The following TLL2 variants were observed in gnomAD, a reference collection of about 807,000 sequenced individuals.
TLL2 encodes tolloid-like protein 2.
Under a neutral mutation model 123.0 loss-of-function variants are expected in TLL2, and 106 were observed. The ratio of observed to expected loss-of-function variants is 0.86; its 90% CI spans 0.74 to 1.01. The LOEUF (loss-of-function observed/expected upper bound fraction) is 1.01, where lower values mean the gene tolerates loss of function less well. TLL2 is among the 50% of genes least tolerant of loss of function. TLL2 has a pLI of 0.00. For missense variants in TLL2, 1,332 were observed against 1,336.7 expected, an observed-to-expected ratio of 1.00 and a Z score of 0.06; for synonymous variants, 494 against 516.8, an observed-to-expected ratio of 0.96 and a Z score of 0.60.
intron 15 of TLL2, 128 bp downstream of exon 15, chr10:96,385,927 A>G: frequency 1.1e-6 from 1 of 919,620 alleles, no homozygotes; most frequent in Admixed American, 3.7e-5. Context: ...CTGCTAGCGC[A>G]GGTCCTAAGA....
chr10:96,415,541 G>A (rs1282062080), intron 7 of TLL2, among the ~76,000 whole-genome samples: 1 of 151,290 alleles, frequency 6.6e-6, no homozygotes, highest in Non-Finnish European at 1.5e-5. Flanking sequence ...CAGGGAGACT[G>A]GGTGTTTTAT....
chr10:96,377,855 A>G (rs897533901), intron 17 of TLL2, among the ~76,000 whole-genome samples: 6 of 152,224 alleles, frequency 3.9e-5, no homozygotes, highest in African/African-American at 7.2e-5. Context: ...AGCTCCTGAG[A>G]TGTTGCTCTG....
intron 1 of TLL2, among the ~76,000 whole-genome samples, chr10:96,487,115 T>C (rs377285243): frequency 5.6e-4 from 86 of 152,350 alleles, no homozygotes; most frequent in African/African-American, 2.0e-3. Flanking sequence ...TGAAGAGCTG[T>C]GTGACCTCGG....
rs145843827 is a variant in TLL2 at position 96,385,176 on chromosome 10, C to G, written c.2014-409G>C. Among the ~76,000 whole-genome samples, 1,077 of 152,138 alleles carry G rather than the reference C, an allele frequency of 7.1e-3. 16 individuals are homozygous for G. Among genetic ancestry groups the G allele is most frequent in the African/African-American group, 0.024 (978 of 41,518 alleles). On this transcript the variant is annotated intron_variant, in intron 15 of 20. Transcript: ENST00000357947. ...GGAGGAGGAAAATCCTGCAAACCAC[C>G]GACAGAATCTGACTCCATTTTCAGG... is the stretch of plus-strand genomic sequence containing the variant.
At chr10:96,465,055 A>G (rs1847115426) in intron 2 of TLL2, among the ~76,000 whole-genome samples, 1 of 152,210 alleles carries the variant, frequency 6.6e-6, no homozygotes, top group African/African-American at 2.4e-5. Context: ...CAAGGAACTC[A>G]GGAGATCAAA....
intron 7 of TLL2, among the ~76,000 whole-genome samples, chr10:96,418,111 T>C (rs550793297): frequency 1.3e-3 from 197 of 152,280 alleles, no homozygotes; most frequent in African/African-American, 4.5e-3. Context: ...GTTTGGCCCA[T>C]GGATTTCCAC....
chr10:96,415,063 A>G (rs1846540720), intron 7 of TLL2, among the ~76,000 whole-genome samples: 1 of 152,140 alleles, frequency 6.6e-6, no homozygotes, highest in Non-Finnish European at 1.5e-5. Context: ...CCCAGAATGC[A>G]AGGGGAGGCA....
chr10:96,415,751 C>CTGTCTCTG, intron 7 of TLL2, among the ~76,000 whole-genome samples: 1 of 102,202 alleles, frequency 9.8e-6, no homozygotes. Context: ...CTCTCTCTCT[C>CTGTCTCTG]TCTCTCTCTC....
At chr10:96,410,893 T>G (rs1385777217) in intron 8 of TLL2, among the ~76,000 whole-genome samples, 1 of 152,154 alleles carries the variant, frequency 6.6e-6, no homozygotes, top group Non-Finnish European at 1.5e-5. Flanking sequence ...GAGTGCTTCA[T>G]ATATAATGCC....
At position 96,379,034 on chromosome 10, in the gene TLL2, G is replaced by C. The variant is rs112143542; in HGVS notation, c.2253C>G (p.Phe751Leu). The change falls in exon 17 of 21, where the codon TTC (phenylalanine) becomes TTG (leucine). Residue 751 changes from phenylalanine to leucine, a missense_variant. Transcript: ENST00000357947. Reference sequence around the variant, plus strand: ...TTCTGCACCTGCACAGGTAGCTCCCGAAGGTGTTGACGCACTCATGCTGAC... The same window carrying C: ...TTCTGCACCTGCACAGGTAGCTCCCCAAGGTGTTGACGCACTCATGCTGAC... The part of the protein sequence containing the change: ...GGCQHECVNT[F>L]GSYLCRCRNG... The C allele has an allele frequency of 1.8e-3, 2,905 of 1,614,186 alleles. 35 individuals carry two copies. The African/African-American group carries it at 0.032, about 18-fold the overall frequency.
intron 1 of TLL2, among the ~76,000 whole-genome samples, chr10:96,503,647 A>G (rs1177784157): frequency 6.6e-6 from 1 of 152,192 alleles, no homozygotes; most frequent in Non-Finnish European, 1.5e-5. Context: ...AACTGACCTG[A>G]TACCCATGCA....
chr10:96,426,628 T>C (rs1476777964), intron 5 of TLL2, among the ~76,000 whole-genome samples: 2 of 152,188 alleles, frequency 1.3e-5, no homozygotes, highest in Non-Finnish European at 2.9e-5. Context: ...CCTTGAAGAC[T>C]TTCACATTAT....
At chr10:96,443,578 A>G (rs1386530098) in intron 3 of TLL2, among the ~76,000 whole-genome samples, 1 of 152,236 alleles carries the variant, frequency 6.6e-6, no homozygotes, top group African/African-American at 2.4e-5. Context: ...GTCAACCCCC[A>G]GAATCATGAA....
chr10:96,484,285 C>T (rs552677299), intron 1 of TLL2, among the ~76,000 whole-genome samples: 9 of 152,186 alleles, frequency 5.9e-5, no homozygotes, highest in East Asian at 1.9e-4. Flanking sequence ...GGAAACAGCC[C>T]GCTCTATCAG....
At chr10:96,504,957 G>A (rs1017667174) in intron 1 of TLL2, among the ~76,000 whole-genome samples, 2 of 152,186 alleles carry the variant, frequency 1.3e-5, no homozygotes, top group East Asian at 3.9e-4. Flanking sequence ...TCAGTGAGCC[G>A]AGATCGCACC....
chr10:96,432,698 G>A (rs1051994309), intron 4 of TLL2, 109 bp downstream of exon 4: 1 of 1,394,368 alleles, frequency 7.2e-7, no homozygotes, highest in Non-Finnish European at 9.8e-7. Flanking sequence ...GGCCTGCTGT[G>A]GTCCCTAACA....
At chr10:96,460,771 C>G (rs1353768821) in intron 2 of TLL2, among the ~76,000 whole-genome samples, 1 of 152,178 alleles carries the variant, frequency 6.6e-6, no homozygotes, top group East Asian at 1.9e-4. Flanking sequence ...CGCCCAGTCT[C>G]AGGTAGTTCC....
Position 96,422,578 on chromosome 10 carries a change from A to G in TLL2, c.788T>C (p.Val263Ala). Residue 263 changes from valine to alanine, a missense_variant, in exon 6 of 21, where the codon GTC becomes GCC. Coordinates refer to ENST00000357947, the MANE Select transcript of TLL2 (RefSeq NM_012465.4). Reference protein sequence around the residue: ...EHTRPDRDQHVTIIRENIQPG... With the variant: ...EHTRPDRDQHATIIRENIQPG... ...CTGGATGTTTTCCCTGATGATGGTG[A>G]CATGTTGGTCTCTGTCTGGCCGGGT... The G allele has an allele frequency of 1.2e-6, 2 of 1,614,124 alleles. No homozygotes were observed. Among genetic ancestry groups the G allele is most frequent in the South Asian group, 2.2e-5 (2 of 91,086 alleles).
intron 2 of TLL2, among the ~76,000 whole-genome samples, chr10:96,470,658 T>C (rs762873123): frequency 2.0e-5 from 3 of 152,172 alleles, no homozygotes; most frequent in Non-Finnish European, 4.4e-5. Context: ...CAATGGAGTG[T>C]AGGAGCTAAA....
Sources: allele counts gnomAD v4.1 joint callset (sites outside exome capture counted in the v4.1 genomes callset), GRCh38; gene constraint gnomAD v4.1.1; transcripts MANE v1.5; gene names NCBI Gene and HGNC (gene_info 2026-07-23, HGNC 2026-07-21).